Variants in CHL1 observed in about 807,000 individuals in gnomAD.
CHL1 encodes the protein cell adhesion molecule L1 like.
In CHL1, 96 loss-of-function variants were observed where a neutral mutation model predicts 141.9. The ratio of observed to expected loss-of-function variants is 0.68; its 90% CI spans 0.57 to 0.80. The LOEUF (loss-of-function observed/expected upper bound fraction) is 0.80. Among genes scored for constraint, CHL1 ranks in the 30% least tolerant of loss-of-function variants. CHL1 has a pLI of 0.00. For synonymous variants in CHL1, 613 were observed against 502.2 expected, an observed-to-expected ratio of 1.22 and a Z score of -2.95; for missense variants, 1,820 against 1,457.2, an observed-to-expected ratio of 1.25 and a Z score of -4.05.
chr3:398,117 A>G (rs1348115356), intron 24 of CHL1, 110 bp from the exon 25 acceptor site: 11 of 586,246 alleles, frequency 1.9e-5, no homozygotes, highest in Non-Finnish European at 3.0e-5. Flanking sequence ...AAACTATCTG[A>G]GAAAATATGG....
intron 16 of CHL1, among the ~76,000 whole-genome samples, 169 bp downstream of exon 16, chr3:378,111 T>C (rs1370597181): frequency 6.6e-6 from 1 of 152,210 alleles, no homozygotes; most frequent in Non-Finnish European, 1.5e-5. Context: ...CCTTTTTTCA[T>C]ATAAAAGAAA....
Position 406,554 on chromosome 3 carries a change from T to G in CHL1, c.*843T>G, listed in dbSNP as rs1709544826. 6.6e-6 allele frequency: 1 copy of G among 152,104 alleles called. No individual in the cohort carries two copies. The allele number at this position is 152,104 out of a possible 1,614,324, so 9.4% of individuals were successfully genotyped here. ...ATTTCTAAATTGACTGCTTTTACCT[T>G]TTTCTCATGTTTATATAATGGTATG... is the stretch of plus-strand genomic sequence containing the variant. On this transcript the variant is annotated 3_prime_UTR_variant, in exon 28 of 28. Transcript: ENST00000256509.
chr3:224,103 T>C (rs927863484), intron 1 of CHL1, among the ~76,000 whole-genome samples: 7 of 152,184 alleles, frequency 4.6e-5, no homozygotes, highest in Non-Finnish European at 1.0e-4. Flanking sequence ...ACCTACATCC[T>C]AATAGAGTTC....
At chr3:405,350 T>C in intron 27 of CHL1, 145 bp from the exon 28 acceptor site, 1 of 590,526 alleles carries the variant, frequency 1.7e-6, no homozygotes, top group East Asian at 2.9e-5. Flanking sequence ...TTTGTGGTAG[T>C]ATCATGTGGG....
At chr3:303,963 T>A (rs2124925169) in intron 2 of CHL1, among the ~76,000 whole-genome samples, 1 of 152,314 alleles carries the variant, frequency 6.6e-6, no homozygotes, top group East Asian at 1.9e-4. Flanking sequence ...AAAGGCCTTT[T>A]CTGTATCTAT....
chr3:197,622 T>A (rs1398171271), intron 1 of CHL1: 2 of 336,866 alleles, frequency 5.9e-6, no homozygotes, highest in Admixed American at 4.2e-5. Flanking sequence ...GGATTCTAGA[T>A]CCCAGCCCGG....
intron 26 of CHL1, among the ~76,000 whole-genome samples, chr3:401,148 C>T (rs1709095727): frequency 1.3e-5 from 2 of 152,116 alleles, no homozygotes; most frequent in African/African-American, 2.4e-5. Context: ...GTGTTCTGCC[C>T]ACCTTGGCCT....
chr3:376,523 G>A (rs565735449), intron 15 of CHL1: 1 of 440,634 alleles, frequency 2.3e-6, no homozygotes, highest in Non-Finnish European at 4.5e-6. Context: ...CTGGAAACAA[G>A]GCATAGTGCA....
intron 2 of CHL1, among the ~76,000 whole-genome samples, chr3:280,453 A>C (rs1382515055): frequency 6.6e-6 from 1 of 152,254 alleles, no homozygotes; most frequent in Admixed American, 6.5e-5. Flanking sequence ...ATAAGAATTA[A>C]AGTGCTGAAT....
intron 11 of CHL1, among the ~76,000 whole-genome samples, chr3:355,514 T>G (rs1703632564): frequency 6.6e-6 from 1 of 152,190 alleles, no homozygotes; most frequent in Non-Finnish European, 1.5e-5. Context: ...ATGTCCTTGT[T>G]CAGGAAGAAG....
intron 2 of CHL1, among the ~76,000 whole-genome samples, chr3:259,679 T>C (rs1385523951): frequency 3.3e-5 from 5 of 152,172 alleles, no homozygotes; most frequent in South Asian, 2.1e-4. Flanking sequence ...TTTTTATTTA[T>C]GTATTACAAG....
chr3:210,563 T>A (rs1328823438), intron 1 of CHL1, among the ~76,000 whole-genome samples: 2 of 152,242 alleles, frequency 1.3e-5, no homozygotes, highest in African/African-American at 4.8e-5. Flanking sequence ...TTTCACACAG[T>A]GACTCAGGGC....
At chr3:222,352 C>G (rs1243844114) in intron 1 of CHL1, among the ~76,000 whole-genome samples, 1 of 151,994 alleles carries the variant, frequency 6.6e-6, no homozygotes, top group African/African-American at 2.4e-5. Context: ...GCCCTCTTGC[C>G]CTTGGATGGT....
rs1052913020 is a variant in CHL1, at chr3:382,206, A to C, written c.1904A>C (p.His635Pro). 5 of 1,613,608 alleles carry C rather than the reference A, an allele frequency of 3.1e-6. No homozygotes were observed. Among genetic ancestry groups the C allele is most frequent in the Non-Finnish European group, 4.2e-6 (5 of 1,179,680 alleles). ...LDVPDPPENL[H>P]LSERQNRSVR... ...GTTCCGGATCCACCAGAAAACCTTC[A>C]CTTGTCTGAAAGACAGAACAGGAGT... The change falls in exon 17 of 28, where the codon CAC becomes CCC. Residue 635 changes from histidine (H) to proline (P), a missense_variant. His to Pro is a moderately conservative substitution (Grantham distance 77). Coordinates refer to ENST00000256509, the MANE Select transcript of CHL1 (RefSeq NM_006614.4).
intron 1 of CHL1, among the ~76,000 whole-genome samples, chr3:221,810 T>A (rs150254816): frequency 6.6e-6 from 1 of 152,368 alleles, no homozygotes. Context: ...ACACCTAAAC[T>A]TATCCAAGAT....
At chr3:199,167 T>G (rs1698694859) in intron 1 of CHL1, among the ~76,000 whole-genome samples, 1 of 152,214 alleles carries the variant, frequency 6.6e-6, no homozygotes, top group Non-Finnish European at 1.5e-5. Context: ...AGTGCTGCAG[T>G]GGATTTACCT....
chr3:329,582 G>C (rs1462034185), intron 5 of CHL1, among the ~76,000 whole-genome samples: 1 of 150,996 alleles, frequency 6.6e-6, no homozygotes, highest in Non-Finnish European at 1.5e-5. Flanking sequence ...AAATAAAGGA[G>C]AGAAAAAAAG....
chr3:353,094 C>T (rs1013255965), intron 10 of CHL1, among the ~76,000 whole-genome samples: 5 of 152,060 alleles, frequency 3.3e-5, no homozygotes, highest in Admixed American at 6.6e-5. Flanking sequence ...GATTGGATGA[C>T]GTGATAATTT....
intron 1 of CHL1, among the ~76,000 whole-genome samples, chr3:204,342 G>A (rs1358078995): frequency 1.3e-5 from 2 of 152,212 alleles, no homozygotes; most frequent in African/African-American, 4.8e-5. Context: ...ATGTCAGTCT[G>A]GCAGCTGAAA....
Sources: allele counts gnomAD v4.1 joint callset (sites outside exome capture counted in the v4.1 genomes callset), GRCh38; gene constraint gnomAD v4.1.1; transcripts MANE v1.5; gene names NCBI Gene and HGNC (gene_info 2026-07-23, HGNC 2026-07-21).